Variants in SPDYE6 observed in about 807,000 individuals in gnomAD.
SPDYE6 encodes speedy protein E6.
For missense variants in SPDYE6, 8 were observed against 297.9 expected (o/e 0.03, Z 7.16); for synonymous variants, 2 against 103.0 (o/e 0.02, Z 5.94).
rs1788122227 is a variant in SPDYE6 at position 102,350,708 on chromosome 7, G to A, written c.755+20C>T. On this transcript the variant is annotated intron_variant, in intron 5 of 7. Coordinates refer to ENST00000563237, the MANE Select transcript of SPDYE6 (RefSeq NM_001146210.4). ...CCAGGGCATTGGATATTGACGGATA[G>A]GAGGCAGCAAACCACTCACAGAGCC... 2.9e-6 allele frequency: 4 copies of A among 1,389,836 alleles called. 1 individual carries two copies. Among genetic ancestry groups the A allele is most frequent in the Non-Finnish European group, 3.9e-6 (4 of 1,036,724 alleles). The allele number at this position is 1,389,836 out of a possible 1,614,324, so 86.1% of individuals were successfully genotyped here. A position where few individuals can be genotyped will look rare whatever the true frequency, so the allele number is the denominator to read the frequency against.
rs537788473 is a variant in SPDYE6, at chr7:102,345,895, A to G, written c.*1372T>C. 2.6e-5 allele frequency among the ~76,000 whole-genome samples: 4 copies of G among 152,326 alleles called. No homozygotes were observed. The East Asian group carries it at 7.7e-4, about 29-fold the overall frequency. ...CAAACATGCCAAAACAAGGTAAAAA[A>G]TTACATCTGAATTCTCACATTTCAA... On this transcript the variant is annotated 3_prime_UTR_variant, in exon 8 of 8. Transcript: ENST00000563237.
Position 102,346,519 on chromosome 7 carries a change from A to G in SPDYE6, c.*748T>C, listed in dbSNP as rs1264945132. Among the ~76,000 whole-genome samples the G allele has an allele frequency of 2.0e-5, 3 of 151,424 alleles. No homozygotes were observed. Among genetic ancestry groups the G allele is most frequent in the Non-Finnish European group, 4.4e-5 (3 of 67,816 alleles). On this transcript the variant is annotated 3_prime_UTR_variant, in exon 8 of 8. Coordinates refer to ENST00000563237, the MANE Select transcript of SPDYE6 (RefSeq NM_001146210.4). ...AAATAGAAGAGATTATTATGGAAGT[A>G]TCATAGATAAAAAGAGTGCTCGCTT... is the stretch of plus-strand genomic sequence containing the variant.
rs1223768186 is a variant in SPDYE6, at chr7:102,346,379, A to G, written c.*888T>C. Among the ~76,000 whole-genome samples, 47 of 149,206 alleles carry G rather than the reference A, an allele frequency of 3.2e-4. No individual in the cohort carries two copies. Among genetic ancestry groups the G allele is most frequent in the South Asian group, 8.3e-4 (4 of 4,796 alleles). ...AGACGTGTTAGTATATATATCTGAG[A>G]CATGTTAAAAATCACAACTGAATTC... On this transcript the variant is annotated 3_prime_UTR_variant, in exon 8 of 8. Transcript: ENST00000563237.
chr7:102,346,350 T>C lies in SPDYE6; in HGVS notation c.*917A>G, dbSNP rs1358423768. 6.7e-6 allele frequency among the ~76,000 whole-genome samples: 1 copy of C among 148,382 alleles called. No homozygotes were observed. The highest frequency in any genetic ancestry group is 1.5e-5 in the Non-Finnish European group (1 of 66,884). The stretch of plus-strand genomic sequence containing the variant: ...ATAAACCAATAAAATAGATAGTATA[T>C]ATTAGACGTGTTAGTATATATATCT... On this transcript the variant is annotated 3_prime_UTR_variant, in exon 8 of 8. Coordinates refer to ENST00000563237, the MANE Select transcript of SPDYE6 (RefSeq NM_001146210.4).
At chr7:102,354,049 A>G (rs1554562850) in intron 2 of SPDYE6, among the ~76,000 whole-genome samples, 1 of 27,858 alleles carries the variant, frequency 3.6e-5, no homozygotes, top group Non-Finnish European at 7.1e-5. Context: ...TTTTTTTTTG[A>G]GACAGCGTCT....
rs1382930180 is a variant in SPDYE6, at chr7:102,346,246, T to TTAAA, written c.*1017_*1020dup. On this transcript the variant is annotated 3_prime_UTR_variant, in exon 8 of 8. Transcript: ENST00000563237. ...ATAATATTTAATGTAAAAATAATAT[T>TTAAA]TAAATAAATAAATATATTTAATAAA... Among the ~76,000 whole-genome samples, 1 of 148,062 alleles carries TTAAA rather than the reference T, an allele frequency of 6.8e-6. No homozygotes were observed. Among genetic ancestry groups the TTAAA allele is most frequent in the Non-Finnish European group, 1.5e-5 (1 of 67,182 alleles).
intron 5 of SPDYE6, among the ~76,000 whole-genome samples, chr7:102,349,314 TAAAC>T (rs1239856837): frequency 1.9e-3 from 16 of 8,402 alleles, no homozygotes; most frequent in African/African-American, 8.7e-3. Flanking sequence ...TCTGTCTCAA[TAAAC>T]AAACAAACAA....
chr7:102,353,758 G>A, intron 2 of SPDYE6, among the ~76,000 whole-genome samples: 1 of 141,004 alleles, frequency 7.1e-6, no homozygotes, highest in East Asian at 2.2e-4. Context: ...CTGCCTCCCG[G>A]GTTCCAGTGA....
At chr7:102,351,672 C>T (rs1186551473) in intron 4 of SPDYE6, among the ~76,000 whole-genome samples, 714 of 87,172 alleles carry the variant, frequency 8.2e-3, no homozygotes, top group African/African-American at 0.026. Context: ...GAGGCCAAGG[C>T]GGGTGGATCG....
In SPDYE6 at chr7:102,348,554, A is replaced by C; in HGVS notation, c.879T>G (p.His293Gln). The change falls in exon 6 of 8, where the codon CAT (histidine) becomes CAG (glutamine). Residue 293 changes from histidine (H) to glutamine (Q), a missense_variant. Physicochemically the swap from His to Gln is conservative, Grantham distance 24. Coordinates refer to ENST00000563237, the MANE Select transcript of SPDYE6 (RefSeq NM_001146210.4). ...LLRKRWFQLG[H>Q]SMNPRARKNR... ...TCTTCCTGGCCCTCGGGTTCATGGA[A>C]TGGCCTAACTGGAACCAACGCTTAC... The C allele has an allele frequency of 6.2e-7, 1 of 1,608,886 alleles. No homozygotes were observed. Among genetic ancestry groups the C allele is most frequent in the Non-Finnish European group, 8.5e-7 (1 of 1,176,272 alleles).
intron 2 of SPDYE6, among the ~76,000 whole-genome samples, chr7:102,353,655 T>TCG (rs1554562782): frequency 6.7e-6 from 1 of 148,216 alleles, no homozygotes; most frequent in African/African-American, 2.5e-5. Context: ...TTTTTTTTTT[T>TCG]TCGTTGTTGT....
intron 4 of SPDYE6, 82 bp downstream of exon 4, chr7:102,351,980 TGGAG>T (rs2133083592): frequency 4.1e-6 from 1 of 244,888 alleles, no homozygotes; most frequent in African/African-American, 5.7e-5. Flanking sequence ...TGGGAGGTGG[TGGAG>T]GGAGAACTGT....
rs1315998416 is a variant in SPDYE6, at chr7:102,345,797, C to T, written c.*1470G>A. On this transcript the variant is annotated 3_prime_UTR_variant, in exon 8 of 8. Transcript: ENST00000563237. The stretch of plus-strand genomic sequence containing the variant: ...TTTTATTATGTTTCCCCAAGAGACC[C>T]ACTCTATTGTTCTCTTGAAAACACA... Among the ~76,000 whole-genome samples, 1 of 152,116 alleles carries T rather than the reference C, an allele frequency of 6.6e-6. No homozygotes were observed. Among genetic ancestry groups the T allele is most frequent in the Non-Finnish European group, 1.5e-5 (1 of 68,030 alleles).
chr7:102,346,566 A>G lies in SPDYE6; in HGVS notation c.*701T>C, dbSNP rs1554562074. 6.6e-6 allele frequency among the ~76,000 whole-genome samples: 1 copy of G among 151,738 alleles called. No individual in the cohort carries two copies. On this transcript the variant is annotated 3_prime_UTR_variant, in exon 8 of 8. Coordinates refer to ENST00000563237, the MANE Select transcript of SPDYE6 (RefSeq NM_001146210.4). ...GCTTCAGGAGCACATATAATAATAC[A>G]GAAACAAATTTAAAGATAATAAAAT...
At chr7:102,351,642 C>G (rs2133082945) in intron 4 of SPDYE6, among the ~76,000 whole-genome samples, 2 of 94,284 alleles carry the variant, frequency 2.1e-5, no homozygotes, top group East Asian at 6.2e-4. Flanking sequence ...TGGCTGACGT[C>G]TATAATCTCA....
rs1385119662 is a variant in SPDYE6, at chr7:102,346,646, T to C, written c.*621A>G. 2.0e-5 allele frequency among the ~76,000 whole-genome samples: 3 copies of C among 151,200 alleles called. No individual in the cohort carries two copies. The highest frequency in any genetic ancestry group is 7.3e-5 in the African/African-American group (3 of 41,296). ...ATGAAAAGAAAATTAGCTTTATGTA[T>C]ATATAACAACTATAACTCTCATCAA... is the stretch of plus-strand genomic sequence containing the variant. On this transcript the variant is annotated 3_prime_UTR_variant, in exon 8 of 8. Transcript: ENST00000563237.
chr7:102,351,541 C>G (rs1554562466), intron 4 of SPDYE6, among the ~76,000 whole-genome samples: 1 of 50,532 alleles, frequency 2.0e-5, no homozygotes, highest in Non-Finnish European at 3.8e-5. Flanking sequence ...CCACTGCACT[C>G]CATCCTGGGG....
At chr7:102,353,643 T>TGTTGTTGTTGTTG (rs564055700) in intron 2 of SPDYE6, among the ~76,000 whole-genome samples, 7 of 147,602 alleles carry the variant, frequency 4.7e-5, no homozygotes, top group African/African-American at 1.5e-4. Flanking sequence ...GTCCCTTTTT[T>TGTTGTTGTTGTTG]TTTTTTTTTT....
rs380434 is a variant in SPDYE6, at chr7:102,346,556, A to G, written c.*711T>C. ...AAGAGTGCTCGCTTCAGGAGCACAT[A>G]TAATAATACAGAAACAAATTTAAAG... On this transcript the variant is annotated 3_prime_UTR_variant, in exon 8 of 8. Coordinates refer to ENST00000563237, the MANE Select transcript of SPDYE6 (RefSeq NM_001146210.4). Among the ~76,000 whole-genome samples the G allele has an allele frequency of 5.4e-3, 820 of 151,716 alleles. 3 individuals are homozygous for G. Among genetic ancestry groups the G allele is most frequent in the Non-Finnish European group, 8.4e-3 (572 of 67,840 alleles).
Sources: gnomAD v4.1 joint callset for allele counts (sites outside exome capture counted in the v4.1 genomes callset) on GRCh38, gnomAD v4.1.1 for gene constraint, MANE v1.5 for transcripts, NCBI Gene and HGNC (gene_info 2026-07-23, HGNC 2026-07-21) for gene names.